LRCOL1: variants seen among roughly 807,000 people sequenced by gnomAD.
The protein encoded by LRCOL1 is leucine rich colipase like 1.
Under a neutral mutation model 21.6 loss-of-function variants are expected in LRCOL1, and 21 were observed. The observed-to-expected ratio is 0.97, with a 90% CI of 0.69 to 1.40. The LOEUF (loss-of-function observed/expected upper bound fraction) is 1.40, where lower values mean the gene tolerates loss of function less well. Ranked by LOEUF, LRCOL1 falls within the 40% of genes most tolerant of loss-of-function variation. LRCOL1 has a pLI of 0.00. For missense variants in LRCOL1, 198 were observed against 202.3 expected (o/e 0.98, Z 0.13); for synonymous variants, 98 against 90.1 (o/e 1.09, Z -0.49).
At chr12:132,605,066 A>G (rs2041287361) in intron 2 of LRCOL1, 1 of 1,347,724 alleles carries the variant, frequency 7.4e-7, no homozygotes, top group African/African-American at 1.5e-5. Context: ...AGGGTAAACC[A>G]AGGCACTGAG....
At chr12:132,603,965 G>C (rs966388630) in intron 5 of LRCOL1, 2 of 1,275,702 alleles carry the variant, frequency 1.6e-6, no homozygotes, top group Non-Finnish European at 2.0e-6. Context: ...CTCCCACGGG[G>C]GATGGTCCTG....
intron 1 of LRCOL1, among the ~76,000 whole-genome samples, chr12:132,608,366 G>A (rs1020775513): frequency 6.6e-6 from 1 of 152,202 alleles, no homozygotes; most frequent in Non-Finnish European, 1.5e-5. Context: ...CTGCCACTGC[G>A]TGAGCACCAC....
Position 132,604,252 on chromosome 12 carries a change from A to T in LRCOL1, c.477+2T>A, listed in dbSNP as rs993064643. ...GAGGCTGAGCCCCCGCCCGGGACTT[A>T]CCAGGGGCAGGCACTGGGCCAGGAT... On this transcript the variant is annotated splice_donor_variant, in intron 5 of 5. Transcript: ENST00000376608. LOFTEE classifies it high-confidence loss of function. 3 of 1,532,580 alleles carry T rather than the reference A, an allele frequency of 2.0e-6. No individual in the cohort carries two copies. The highest frequency in any genetic ancestry group is 2.6e-6 in the Non-Finnish European group (3 of 1,145,254). 94.9% of individuals were successfully genotyped at this position (1,532,580 alleles called of 1,614,324 possible). A position where few individuals can be genotyped will look rare whatever the true frequency, so the allele number is the denominator to read the frequency against.
At position 132,603,233 on chromosome 12, in the gene LRCOL1, G is replaced by T. The variant is rs373556067; in HGVS notation, c.*169C>A. The stretch of plus-strand genomic sequence containing the variant: ...GGATTTGTTCTCACAGACACTTCGC[G>T]CCACCAGGCTGGTCACAGCCTTTCA... On this transcript the variant is annotated 3_prime_UTR_variant, in exon 6 of 6. Transcript: ENST00000376608. 1 of 998,046 alleles carries T rather than the reference G, an allele frequency of 1.0e-6. No homozygotes were observed. The highest frequency in any genetic ancestry group is 1.4e-6 in the Non-Finnish European group (1 of 690,976). 61.8% of individuals were successfully genotyped at this position (998,046 alleles called of 1,614,324 possible).
intron 5 of LRCOL1, chr12:132,603,887 G>T (rs2041261843): frequency 8.4e-7 from 1 of 1,193,200 alleles, no homozygotes; most frequent in Non-Finnish European, 1.0e-6. Context: ...GAGGGGAGAA[G>T]CCAGGACCCT....
Position 132,603,325 on chromosome 12 carries a change from C to T in LRCOL1, c.*77G>A. 1 of 1,528,258 alleles carries T rather than the reference C, an allele frequency of 6.5e-7. No individual in the cohort carries two copies. The highest frequency in any genetic ancestry group is 1.2e-5 in the South Asian group (1 of 83,792). 94.7% of individuals were successfully genotyped at this position (1,528,258 alleles called of 1,614,324 possible). ...CCGTAAGGGAAGCTTCCGCTGGAAC[C>T]AGCCCCCGCGCAACGCGGTCCTGCG... On this transcript the variant is annotated 3_prime_UTR_variant, in exon 6 of 6. Coordinates refer to ENST00000376608, the MANE Select transcript of LRCOL1 (RefSeq NM_001195520.2).
chr12:132,604,811 C>T lies in LRCOL1; in HGVS notation c.126G>A (p.Arg42=). The T allele has an allele frequency of 6.5e-7, 1 of 1,536,186 alleles. No individual in the cohort carries two copies. The highest frequency in any genetic ancestry group is 1.2e-5 in the South Asian group (1 of 84,064). ...AGTTGCTCTGGCACTCCTCGTGTCT[C>T]CTGCATGGCTCCCCGATGCCCTGAA... The part of the protein sequence containing the change: ...LSHKGIGEPC[R]RHEECQSNCC... Residue 42 remains arginine (R), a synonymous_variant, in exon 3 of 6, where the codon AGG becomes AGA. Coordinates refer to ENST00000376608, the MANE Select transcript of LRCOL1 (RefSeq NM_001195520.2).
At chr12:132,603,499 G>A (rs1241308304) in intron 5 of LRCOL1, 95 bp from the exon 6 acceptor site, 15 of 1,534,522 alleles carry the variant, frequency 9.8e-6, no homozygotes, top group Middle Eastern at 1.7e-4. Flanking sequence ...AGCATCTCCC[G>A]GCACCAGCCT....
At chr12:132,609,438 C>T (rs993627126) in intron 1 of LRCOL1, among the ~76,000 whole-genome samples, 4 of 152,216 alleles carry the variant, frequency 2.6e-5, no homozygotes, top group Non-Finnish European at 4.4e-5. Context: ...GTGGCTCACG[C>T]CTGTAATCCC....
At position 132,604,705 on chromosome 12, in the gene LRCOL1, C is replaced by A; in HGVS notation, c.231+1G>T. On this transcript the variant is annotated splice_donor_variant, in intron 3 of 5. Coordinates refer to ENST00000376608, the MANE Select transcript of LRCOL1 (RefSeq NM_001195520.2). LOFTEE classifies it high-confidence loss of function. The stretch of plus-strand genomic sequence containing the variant: ...CACCCCCGCCCCTGCACGCACCTCA[C>A]CTTCCTCCAGGGCAGGCACTGCAGG... 1 of 1,535,830 alleles carries A rather than the reference C, an allele frequency of 6.5e-7. No homozygotes were observed. The highest frequency in any genetic ancestry group is 1.4e-5 in the African/African-American group (1 of 73,134).
Position 132,604,686 on chromosome 12 carries a change from C to T in LRCOL1, c.231+20G>A, listed in dbSNP as rs767353978. 48 of 1,531,240 alleles carry T rather than the reference C, an allele frequency of 3.1e-5. No individual in the cohort carries two copies. Among genetic ancestry groups the T allele is most frequent in the Non-Finnish European group, 3.6e-5 (41 of 1,143,516 alleles). The allele number at this position is 1,531,240 out of a possible 1,614,324, so 94.9% of individuals were successfully genotyped here. A position where few individuals can be genotyped will look rare whatever the true frequency, so the allele number is the denominator to read the frequency against. On this transcript the variant is annotated intron_variant, in intron 3 of 5. Coordinates refer to ENST00000376608, the MANE Select transcript of LRCOL1 (RefSeq NM_001195520.2). ...ACAGGCAGTCTCGCTCCTCCACCCC[C>T]GCCCCTGCACGCACCTCACCTTCCT...
chr12:132,610,013 C>G (rs369561043), intron 1 of LRCOL1, among the ~76,000 whole-genome samples: 3 of 152,216 alleles, frequency 2.0e-5, no homozygotes, highest in Non-Finnish European at 4.4e-5. Context: ...AGATCGTCTG[C>G]GAAACCACAG....
chr12:132,604,338 G>A lies in LRCOL1; in HGVS notation c.393C>T (p.His131=), dbSNP rs1016302271. The change falls in exon 5 of 6, where the codon CAC becomes CAT. Residue 131 remains histidine (H), a synonymous_variant. Coordinates refer to ENST00000376608, the MANE Select transcript of LRCOL1 (RefSeq NM_001195520.2). ...GDFCSSHQEC[H]SQCCIQLREY... is the part of the protein sequence containing the mutation. ...CCCTCAGCTGGATGCAGCACTGGCT[G>A]TGACACTCCTGATGGCTGCTGCAGA... 4.6e-6 allele frequency: 7 copies of A among 1,535,786 alleles called. No homozygotes were observed. The African/African-American group carries it at 5.5e-5, about 12-fold the overall frequency.
chr12:132,604,804 C>T lies in LRCOL1; in HGVS notation c.133G>A (p.Glu45Lys), dbSNP rs754407578. The T allele has an allele frequency of 1.8e-5, 28 of 1,536,044 alleles. No homozygotes were observed. The highest frequency in any genetic ancestry group is 1.1e-4 in the South Asian group (9 of 84,066). The change falls in exon 3 of 6, where the codon GAG (glutamate) becomes AAG (lysine). Residue 45 changes from glutamate (E) to lysine (K), a missense_variant. Transcript: ENST00000376608. Reference protein sequence around the residue: ...KGIGEPCRRHEECQSNCCTIN... With the variant: ...KGIGEPCRRHKECQSNCCTIN... ...GTACAGCAGTTGCTCTGGCACTCCT[C>T]GTGTCTCCTGCATGGCTCCCCGATG...
Position 132,604,296 on chromosome 12 carries a change from G to C in LRCOL1, c.435C>G (p.Arg145=), listed in dbSNP as rs2041270714. 2.0e-6 allele frequency: 3 copies of C among 1,535,612 alleles called. No homozygotes were observed. The highest frequency in any genetic ancestry group is 1.4e-5 in the African/African-American group (1 of 73,050). ...CIQLREYSPF[R]CIPRTGILAQ... ...CCAGGATCCCGGTCCGGGGAATGCA[G>C]CGGAAGGGGCTGTACTCCCTCAGCT... The change falls in exon 5 of 6, where the codon CGC becomes CGG. Residue 145 remains arginine (R), a synonymous_variant. Coordinates refer to ENST00000376608, the MANE Select transcript of LRCOL1 (RefSeq NM_001195520.2).
chr12:132,606,149 T>C lies in LRCOL1; in HGVS notation c.103A>G (p.Lys35Glu), dbSNP rs1182938741. 1.3e-6 allele frequency: 2 copies of C among 1,536,170 alleles called. No homozygotes were observed. The highest frequency in any genetic ancestry group is 1.2e-5 in the South Asian group (1 of 84,056). The change falls in exon 2 of 6, where the codon AAG becomes GAG. Residue 35 changes from lysine (K) to glutamate (E), a missense_variant and splice_region_variant. Lys to Glu is a moderately conservative substitution (Grantham distance 56). Transcript: ENST00000376608. The surrounding 1 kb of genome is among the most constrained non-coding windows in gnomAD (Gnocchi z 4.6). Reference protein sequence around the residue: ...GPQKKLNLSHKGIGEPCRRHE... With the variant: ...GPQKKLNLSHEGIGEPCRRHE... ...CATCAGGGGTGCCCGGCACCCACCT[T>C]ATGGGACAGGTTCAACTTCTTCTGT...
intron 2 of LRCOL1, chr12:132,605,877 G>A (rs555950266): frequency 4.4e-5 from 21 of 482,646 alleles, no homozygotes; most frequent in Middle Eastern, 1.1e-3. Context: ...GACGGTGGCC[G>A]TGGTGGCCCC....
At chr12:132,607,059 C>T (rs958538862) in intron 1 of LRCOL1, among the ~76,000 whole-genome samples, 4 of 152,208 alleles carry the variant, frequency 2.6e-5, no homozygotes, top group African/African-American at 9.6e-5. Context: ...CTGCCCAGCC[C>T]CGCAGCAGTG....
chr12:132,604,676 C>T (rs1170472541), intron 3 of LRCOL1, 30 bp downstream of exon 3: 3 of 1,528,836 alleles, frequency 2.0e-6, no homozygotes, highest in East Asian at 2.5e-5. Flanking sequence ...CAGTCTCGCT[C>T]CTCCACCCCC....
Sources: allele counts gnomAD v4.1 joint callset (sites outside exome capture counted in the v4.1 genomes callset), GRCh38; gene constraint gnomAD v4.1.1; non-coding constraint Gnocchi (gnomAD v3.1); transcripts MANE v1.5; gene names NCBI Gene and HGNC (gene_info 2026-07-23, HGNC 2026-07-21).